Variants in TNR observed in about 807,000 individuals in gnomAD.
TNR encodes the protein tenascin-R.
TNR carries 45 observed loss-of-function variants against 150.4 expected under a neutral mutation model. The ratio of observed to expected loss-of-function variants is 0.30; its 90% CI spans 0.24 to 0.38. The LOEUF (loss-of-function observed/expected upper bound fraction) is 0.38. Ranked by LOEUF, TNR falls within the 10% of genes least tolerant of loss-of-function variation. The pLI is 1.00. For missense variants in TNR, 1,544 were observed against 1,759.1 expected, an observed-to-expected ratio of 0.88 and a Z score of 2.19; for synonymous variants, 687 against 678.4, an observed-to-expected ratio of 1.01 and a Z score of -0.20.
At chr1:175,644,414 G>C (rs1664751367) in intron 1 of TNR, among the ~76,000 whole-genome samples, 1 of 152,218 alleles carries the variant, frequency 6.6e-6, no homozygotes, top group East Asian at 1.9e-4. Context: ...GGGCAGAAAG[G>C]CCACAGACGT....
chr1:175,538,807 T>C (rs1402268387), intron 1 of TNR: 1 of 152,230 alleles, frequency 6.6e-6, no homozygotes, highest in Non-Finnish European at 1.5e-5. Context: ...CCAGCTACTT[T>C]CTTGGCATAC....
chr1:175,703,921 G>A (rs1479057596), intron 1 of TNR, among the ~76,000 whole-genome samples: 2 of 152,306 alleles, frequency 1.3e-5, no homozygotes, highest in Admixed American at 6.5e-5. Flanking sequence ...ACTTCACTAA[G>A]CCTGCAGAGG....
chr1:175,666,667 A>AGTTC lies in TNR; in HGVS notation c.-165+76555_-165+76558dup, dbSNP rs1484188241. Among the ~76,000 whole-genome samples the AGTTC allele has an allele frequency of 6.2e-4, 95 of 152,368 alleles. No individual in the cohort carries two copies. In the Middle Eastern group the frequency reaches 0.014, roughly 22 times the overall value. On this transcript the variant is annotated intron_variant, in intron 1 of 22. Coordinates refer to ENST00000367674, the MANE Select transcript of TNR (RefSeq NM_003285.3). ...CCGGGGTTGCCCCAATAGAATATTC[A>AGTTC]GTTCCCACATCTCTGAAAACCTATT... is the stretch of plus-strand genomic sequence containing the variant.
At chr1:175,593,692 A>G (rs917057559) in intron 1 of TNR, among the ~76,000 whole-genome samples, 3 of 152,196 alleles carry the variant, frequency 2.0e-5, no homozygotes, top group Non-Finnish European at 4.4e-5. Flanking sequence ...TGTCACTAGC[A>G]GCCCCAGAGT....
At chr1:175,732,219 T>C (rs1222872557) in intron 1 of TNR, among the ~76,000 whole-genome samples, 1 of 152,238 alleles carries the variant, frequency 6.6e-6, no homozygotes, top group Non-Finnish European at 1.5e-5. Context: ...TGGACCATCA[T>C]TTCAGAATCC....
chr1:175,624,382 A>G (rs1368369628), intron 1 of TNR, among the ~76,000 whole-genome samples: 1 of 152,164 alleles, frequency 6.6e-6, no homozygotes, highest in Non-Finnish European at 1.5e-5. Flanking sequence ...TTGCAGATAT[A>G]TTAGCTAGTT....
intron 1 of TNR, among the ~76,000 whole-genome samples, chr1:175,660,884 T>C (rs981553081): frequency 6.6e-6 from 1 of 152,094 alleles, no homozygotes; most frequent in Non-Finnish European, 1.5e-5. Flanking sequence ...GTTGGGGCCT[T>C]AGAGATAGGA....
chr1:175,640,307 A>C lies in TNR; in HGVS notation c.-165+102919T>G, dbSNP rs568580542. On this transcript the variant is annotated intron_variant, in intron 1 of 22. Coordinates refer to ENST00000367674, the MANE Select transcript of TNR (RefSeq NM_003285.3). Reference sequence around the variant, plus strand: ...CCTGTGTGCCAGGCAAACATTGAGCACATCCTTTCAGAATATTTACCATGA... The same window carrying C: ...CCTGTGTGCCAGGCAAACATTGAGCCCATCCTTTCAGAATATTTACCATGA... Among the ~76,000 whole-genome samples, 3 of 152,310 alleles carry C rather than the reference A, an allele frequency of 2.0e-5. No homozygotes were observed. The South Asian group carries it at 6.2e-4, about 32-fold the overall frequency.
chr1:175,633,452 TA>T (rs1205732897), intron 1 of TNR, among the ~76,000 whole-genome samples: 1 of 152,106 alleles, frequency 6.6e-6, no homozygotes, highest in East Asian at 1.9e-4. Flanking sequence ...AAATTATAGC[TA>T]TGGGACAAGA....
chr1:175,625,044 G>C (rs1024788589), intron 1 of TNR, among the ~76,000 whole-genome samples: 1 of 152,194 alleles, frequency 6.6e-6, no homozygotes, highest in Non-Finnish European at 1.5e-5. Flanking sequence ...AAGTACTGGT[G>C]CTCCAGCACC....
rs192381223 is a variant in TNR, at chr1:175,351,602, C to G, written c.3382+2789G>C. Among the ~76,000 whole-genome samples, 40 of 152,290 alleles carry G rather than the reference C, an allele frequency of 2.6e-4. No individual in the cohort carries two copies. The East Asian group carries it at 6.7e-3, about 26-fold the overall frequency. ...CAGTGTCTATTATGTCTGGTATGTG[C>G]CAGGCTTTGTGCAAGATACTTTCAC... On this transcript the variant is annotated intron_variant, in intron 18 of 22. Transcript: ENST00000367674.
At chr1:175,629,578 C>A (rs1040942397) in intron 1 of TNR, among the ~76,000 whole-genome samples, 23 of 152,226 alleles carry the variant, frequency 1.5e-4, no homozygotes, top group African/African-American at 5.3e-4. Flanking sequence ...AGGCTGGCGT[C>A]AAACCCTGAG....
intron 1 of TNR, among the ~76,000 whole-genome samples, chr1:175,709,177 A>G (rs1037191012): frequency 6.6e-6 from 1 of 152,000 alleles, no homozygotes; most frequent in African/African-American, 2.4e-5. Flanking sequence ...CCACTTCTCC[A>G]TCTCTTGCTT....
At chr1:175,592,796 A>T (rs1412445327) in intron 1 of TNR, among the ~76,000 whole-genome samples, 1 of 152,196 alleles carries the variant, frequency 6.6e-6, no homozygotes, top group Non-Finnish European at 1.5e-5. Context: ...TTAGTCTCCT[A>T]GTTTGGACAT....
chr1:175,553,905 T>C (rs879847460), intron 1 of TNR, among the ~76,000 whole-genome samples: 3 of 151,544 alleles, frequency 2.0e-5, no homozygotes, highest in Admixed American at 1.3e-4. Context: ...ATGGAAATAC[T>C]GTCATTCTGT....
chr1:175,726,966 C>T (rs1255340511), intron 1 of TNR, among the ~76,000 whole-genome samples: 11 of 152,026 alleles, frequency 7.2e-5, no homozygotes, highest in African/African-American at 2.4e-4. Flanking sequence ...GGAGTGACAG[C>T]CAAGCAGAAA....
At chr1:175,464,216 A>G (rs1340455419) in intron 2 of TNR, among the ~76,000 whole-genome samples, 1 of 152,172 alleles carries the variant, frequency 6.6e-6, no homozygotes. Flanking sequence ...ATTGCATTAA[A>G]CTCAGCACTT....
chr1:175,414,784 C>A (rs914820158), intron 2 of TNR, among the ~76,000 whole-genome samples: 1 of 152,150 alleles, frequency 6.6e-6, no homozygotes, highest in Admixed American at 6.5e-5. Context: ...CCTCCTCTGA[C>A]TTTTGAGGGA....
chr1:175,742,950 T>C (rs1440099910), intron 1 of TNR, among the ~76,000 whole-genome samples: 1 of 133,992 alleles, frequency 7.5e-6, no homozygotes, highest in Non-Finnish European at 1.6e-5. Context: ...ACCTCACCTG[T>C]CTTATGCAAC....
Sources: allele counts gnomAD v4.1 joint callset (sites outside exome capture counted in the v4.1 genomes callset), GRCh38; gene constraint gnomAD v4.1.1; transcripts MANE v1.5; gene names NCBI Gene and HGNC (gene_info 2026-07-23, HGNC 2026-07-21).